FAT3: variants seen among roughly 807,000 people sequenced by gnomAD.
FAT3 encodes the protein protocadherin Fat 3.
In FAT3, 95 loss-of-function variants were observed where a neutral mutation model predicts 310.2. The observed-to-expected ratio is 0.31, with a 90% CI of 0.26 to 0.36. The LOEUF is 0.36. FAT3 is among the 10% of genes least tolerant of loss of function. The probability of loss-of-function intolerance (pLI) is 1.00; values close to 1 mark genes in which losing one functional copy is unlikely to be tolerated. For missense variants in FAT3, 5,408 were observed against 5,715.6 expected, an observed-to-expected ratio of 0.95 and a Z score of 1.74; for synonymous variants, 2,314 against 2,192.9, an observed-to-expected ratio of 1.06 and a Z score of -1.54.
intron 2 of FAT3, among the ~76,000 whole-genome samples, chr11:92,380,870 G>A (rs1949478637): frequency 6.6e-6 from 1 of 152,108 alleles, no homozygotes; most frequent in Admixed American, 6.6e-5. Context: ...TTCTATTAAG[G>A]TCAAACTCAC....
intron 4 of FAT3, among the ~76,000 whole-genome samples, chr11:92,738,635 C>T (rs779059292): frequency 1.3e-5 from 2 of 152,276 alleles, no homozygotes; most frequent in East Asian, 3.9e-4. Context: ...ATAAACAATA[C>T]GATTCTTTGA....
chr11:92,409,419 G>A (rs561770461), intron 2 of FAT3, among the ~76,000 whole-genome samples: 10 of 152,154 alleles, frequency 6.6e-5, no homozygotes, highest in Admixed American at 3.3e-4. Flanking sequence ...GTAAATTTTC[G>A]TTAAATACGC....
intron 1 of FAT3, among the ~76,000 whole-genome samples, chr11:92,334,936 C>A (rs987400139): frequency 6.6e-6 from 1 of 152,140 alleles, no homozygotes; most frequent in Non-Finnish European, 1.5e-5. Context: ...ATTGATTATA[C>A]CTGTGGAAAT....
intron 18 of FAT3, among the ~76,000 whole-genome samples, chr11:92,842,596 A>G (rs993151213): frequency 1.3e-5 from 2 of 152,222 alleles, no homozygotes; most frequent in African/African-American, 4.8e-5. Context: ...CAACAGATGG[A>G]CACAGTGGCT....
chr11:92,878,077 G>A (rs1949573522), intron 22 of FAT3, among the ~76,000 whole-genome samples: 1 of 152,176 alleles, frequency 6.6e-6, no homozygotes, highest in Non-Finnish European at 1.5e-5. Context: ...TGTATGTGGA[G>A]AGAGACTGAT....
At chr11:92,453,625 G>T (rs1272154343) in intron 2 of FAT3, among the ~76,000 whole-genome samples, 2 of 152,126 alleles carry the variant, frequency 1.3e-5, no homozygotes, top group Admixed American at 1.3e-4. Context: ...CTTCACTAAA[G>T]AAATGTACTT....
At chr11:92,698,640 A>C (rs997048964) in intron 4 of FAT3, among the ~76,000 whole-genome samples, 1 of 152,116 alleles carries the variant, frequency 6.6e-6, no homozygotes, top group Non-Finnish European at 1.5e-5. Flanking sequence ...AATCCTTTTA[A>C]AACATTACTA....
intron 3 of FAT3, among the ~76,000 whole-genome samples, chr11:92,687,779 G>A (rs531904752): frequency 3.9e-5 from 6 of 152,242 alleles, no homozygotes; most frequent in East Asian, 3.9e-4. Context: ...AGTGTGTAAC[G>A]CTATAGGCGG....
At chr11:92,724,426 G>A (rs1417686525) in intron 4 of FAT3, among the ~76,000 whole-genome samples, 1 of 152,174 alleles carries the variant, frequency 6.6e-6, no homozygotes, top group Non-Finnish European at 1.5e-5. Context: ...AGATTCAGAG[G>A]ATAGGGAAAT....
intron 6 of FAT3, among the ~76,000 whole-genome samples, chr11:92,771,718 C>CATACAA (rs1477407442): frequency 1.3e-5 from 2 of 149,866 alleles, no homozygotes; most frequent in African/African-American, 2.5e-5. Context: ...TACACATACA[C>CATACAA]ATACAAATAC....
intron 3 of FAT3, among the ~76,000 whole-genome samples, chr11:92,659,399 T>A (rs544426950): frequency 1.3e-5 from 2 of 152,358 alleles, no homozygotes; most frequent in East Asian, 3.9e-4. Flanking sequence ...GAAGGTGCAG[T>A]CGTTAGCCTA....
At position 92,791,339 on chromosome 11, in the gene FAT3, A is replaced by G. The variant is rs578215288; in HGVS notation, c.4611+1121A>G. Among the ~76,000 whole-genome samples the G allele has an allele frequency of 5.3e-5, 8 of 152,302 alleles. No homozygotes were observed. In the South Asian group the frequency reaches 1.5e-3, roughly 28 times the overall value. ...ATTGGAACTGACCTAGATTTCAACAATCCCCAAATAGAGTTCAGCTTGGTC... is the reference window on the plus strand; with the variant it reads ...ATTGGAACTGACCTAGATTTCAACAGTCCCCAAATAGAGTTCAGCTTGGTC... On this transcript the variant is annotated intron_variant, in intron 8 of 27. Coordinates refer to ENST00000525166, the MANE Select transcript of FAT3 (RefSeq NM_001367949.2).
chr11:92,733,161 C>A (rs901864668), intron 4 of FAT3, among the ~76,000 whole-genome samples: 1 of 152,208 alleles, frequency 6.6e-6, no homozygotes, highest in East Asian at 1.9e-4. Flanking sequence ...CAGAAGGCTA[C>A]GTATGCCTTG....
chr11:92,729,426 A>ATT (rs1358571849), intron 4 of FAT3, among the ~76,000 whole-genome samples: 32 of 140,428 alleles, frequency 2.3e-4, no homozygotes, highest in African/African-American at 3.7e-4. Context: ...CCCAGACTGA[A>ATT]TTTTTTTTTT....
intron 3 of FAT3, among the ~76,000 whole-genome samples, chr11:92,569,005 G>T (rs1008337331): frequency 7.2e-5 from 11 of 152,094 alleles, no homozygotes; most frequent in East Asian, 1.9e-4. Context: ...ACTTTGGGAG[G>T]AATTTCAGAT....
In FAT3 at chr11:92,234,530, G is replaced by A. The variant is rs191484937; in HGVS notation, c.-18+9356G>A. Among the ~76,000 whole-genome samples the A allele has an allele frequency of 2.5e-3, 375 of 152,230 alleles. 5 individuals carry two copies. The highest frequency in any genetic ancestry group is 3.9e-3 in the Non-Finnish European group (262 of 68,020). On this transcript the variant is annotated intron_variant, in intron 1 of 27. Transcript: ENST00000525166. Reference sequence around the variant, plus strand: ...GCCTGTAATCCCAGCACTTTGGGAGGCTGAGGCAGGCAGATCACCTGAGGT... The same window carrying A: ...GCCTGTAATCCCAGCACTTTGGGAGACTGAGGCAGGCAGATCACCTGAGGT...
At chr11:92,265,648 T>A (rs1223052224) in intron 1 of FAT3, among the ~76,000 whole-genome samples, 1 of 152,090 alleles carries the variant, frequency 6.6e-6, no homozygotes, top group East Asian at 1.9e-4. Context: ...CTCACAGTCC[T>A]GGAGGCTGGT....
chr11:92,742,920 G>A (rs560734969), intron 4 of FAT3, among the ~76,000 whole-genome samples: 3 of 152,220 alleles, frequency 2.0e-5, no homozygotes, highest in Non-Finnish European at 2.9e-5. Context: ...AACTGTAGGT[G>A]TAGCGGTGTT....
intron 3 of FAT3, among the ~76,000 whole-genome samples, chr11:92,696,537 T>C (rs1337495840): frequency 1.3e-5 from 2 of 152,176 alleles, no homozygotes; most frequent in Admixed American, 6.5e-5. Context: ...GTTCCTCCAT[T>C]GTCCATCAGC....
Sources: gnomAD v4.1 joint callset for allele counts (sites outside exome capture counted in the v4.1 genomes callset) on GRCh38, gnomAD v4.1.1 for gene constraint, MANE v1.5 for transcripts, NCBI Gene and HGNC (gene_info 2026-07-23, HGNC 2026-07-21) for gene names.